Variants in MECOM observed in about 807,000 individuals in gnomAD.
MECOM encodes MDS1 and EVI1 complex locus, also known as histone-lysine N-methyltransferase MECOM.
A neutral mutation model predicts 116.3 loss-of-function variants in MECOM; 13 were observed. The observed-to-expected ratio is 0.11, with a 90% confidence interval of 0.07 to 0.18. The LOEUF is 0.18. MECOM is among the 10% of genes least tolerant of loss of function. The pLI is 1.00. For missense variants in MECOM, 1,299 were observed against 1,509.0 expected (o/e 0.86, Z 2.31); for synonymous variants, 528 against 535.2 (o/e 0.99, Z 0.19).
At position 169,649,409 on chromosome 3, in the gene MECOM, C is replaced by CAAAAAAAA. The variant is rs71634436; in HGVS notation, c.37+13919_37+13926dup. Among the ~76,000 whole-genome samples, 630 of 74,214 alleles carry CAAAAAAAA rather than the reference C, an allele frequency of 8.5e-3. 41 individuals carry two copies. The highest frequency in any genetic ancestry group is 0.02 in the African/African-American group (348 of 17,022). 48.7% of individuals were successfully genotyped at this position (74,214 alleles called of 152,430 possible). A position where few individuals can be genotyped will look rare whatever the true frequency, so the allele number is the denominator to read the frequency against. On this transcript the variant is annotated intron_variant, in intron 1 of 16. Coordinates refer to ENST00000651503, the MANE Select transcript of MECOM (RefSeq NM_004991.4). The stretch of plus-strand genomic sequence containing the variant: ...GGGCGGCAAGAGCGAAACTCCATCT[C>CAAAAAAAA]AAAAAAAAAAAAAAAAAAAATAGGA...
At chr3:169,132,990 G>A (rs1309035818) in intron 3 of MECOM, among the ~76,000 whole-genome samples, 1 of 151,872 alleles carries the variant, frequency 6.6e-6, no homozygotes, top group Non-Finnish European at 1.5e-5. Context: ...CTGGGCTCAA[G>A]CAATCTGCCC....
At chr3:169,619,159 C>G (rs1770381596) in intron 1 of MECOM, among the ~76,000 whole-genome samples, 1 of 152,128 alleles carries the variant, frequency 6.6e-6, no homozygotes, top group South Asian at 2.1e-4. Context: ...CTGAATTTAT[C>G]GTGGTTCTGA....
chr3:169,523,994 C>T (rs886801965), intron 1 of MECOM, among the ~76,000 whole-genome samples: 2 of 143,016 alleles, frequency 1.4e-5, no homozygotes, highest in Admixed American at 7.0e-5. Flanking sequence ...ACATACATAC[C>T]TGTATATGAA....
intron 1 of MECOM, among the ~76,000 whole-genome samples, chr3:169,510,330 TCA>T (rs1397067582): frequency 3.9e-5 from 6 of 152,364 alleles, no homozygotes; most frequent in African/African-American, 1.2e-4. Context: ...GTCTTGACTT[TCA>T]CAGTTTTCTT....
At chr3:169,123,800 T>C (rs1016561189) in intron 5 of MECOM, among the ~76,000 whole-genome samples, 1 of 152,114 alleles carries the variant, frequency 6.6e-6, no homozygotes, top group Non-Finnish European at 1.5e-5. Context: ...AGATGCCCAC[T>C]GACCAAAGGT....
chr3:169,625,034 GAAAAAAA>G (rs35241873), intron 1 of MECOM, among the ~76,000 whole-genome samples: 2 of 134,092 alleles, frequency 1.5e-5, no homozygotes, highest in Non-Finnish European at 3.2e-5. Flanking sequence ...TTTGTCCTTG[GAAAAAAA>G]AAAAAAAAGA....
At chr3:169,480,129 C>A (rs1373701207) in intron 1 of MECOM, among the ~76,000 whole-genome samples, 3 of 152,074 alleles carry the variant, frequency 2.0e-5, no homozygotes, top group Admixed American at 1.3e-4. Context: ...TGTAGGTTGC[C>A]AAAGACTAAC....
chr3:169,515,352 GC>G (rs1190250711), intron 1 of MECOM, among the ~76,000 whole-genome samples: 2 of 152,172 alleles, frequency 1.3e-5, no homozygotes, highest in Admixed American at 6.5e-5. Context: ...TGTGGGGCCA[GC>G]AGCCTAGGCA....
At chr3:169,146,683 C>T (rs1278954972) in intron 2 of MECOM, 7 of 1,304,452 alleles carry the variant, frequency 5.4e-6, no homozygotes, top group Non-Finnish European at 6.0e-6. Flanking sequence ...TTTCACATCG[C>T]CCAGACTTTT....
At chr3:169,637,200 C>T (rs746259999) in intron 1 of MECOM, among the ~76,000 whole-genome samples, 33 of 152,184 alleles carry the variant, frequency 2.2e-4, no homozygotes, top group Admixed American at 9.8e-4. Flanking sequence ...TAGCAAGCAG[C>T]CATTCGATTG....
intron 2 of MECOM, among the ~76,000 whole-genome samples, chr3:169,265,580 T>C (rs954225799): frequency 6.6e-6 from 1 of 152,284 alleles, no homozygotes; most frequent in East Asian, 1.9e-4. Context: ...AGCTAGAGAT[T>C]TGGAATGAAG....
intron 1 of MECOM, among the ~76,000 whole-genome samples, chr3:169,450,485 G>C (rs1368727490): frequency 2.0e-5 from 3 of 152,004 alleles, no homozygotes; most frequent in East Asian, 3.9e-4. Flanking sequence ...AGCAAGGCCT[G>C]GTGACTGGAA....
At chr3:169,455,655 A>G (rs1010600500) in intron 1 of MECOM, among the ~76,000 whole-genome samples, 4 of 152,202 alleles carry the variant, frequency 2.6e-5, no homozygotes, top group African/African-American at 4.8e-5. Context: ...CCAGAACAGT[A>G]AACATGTGAA....
Position 169,095,153 on chromosome 3 carries a change from T to A in MECOM, c.2942A>T (p.His981Leu). ...TTGACCAAAACACCTATCACATAAG[T>A]GACACTTAAATGGCTTCTCTTTATT... ...IHNKEKPFKC[H>L]LCDRCFGQQT... is the part of the protein sequence containing the mutation. The change falls in exon 13 of 17, where the codon CAC (histidine) becomes CTC (leucine). Residue 981 changes from histidine (H) to leucine (L), a missense_variant. Coordinates refer to ENST00000651503, the MANE Select transcript of MECOM (RefSeq NM_004991.4). The A allele has an allele frequency of 6.2e-7, 1 of 1,613,742 alleles. No homozygotes were observed. The highest frequency in any genetic ancestry group is 8.5e-7 in the Non-Finnish European group (1 of 1,179,846).
intron 2 of MECOM, among the ~76,000 whole-genome samples, chr3:169,157,250 C>G (rs1445322220): frequency 6.6e-6 from 1 of 152,180 alleles, no homozygotes; most frequent in Non-Finnish European, 1.5e-5. Context: ...CACCCCAAAT[C>G]TCTGATGGTG....
chr3:169,553,190 A>C (rs1761609714), intron 1 of MECOM, among the ~76,000 whole-genome samples: 1 of 152,166 alleles, frequency 6.6e-6, no homozygotes. Context: ...CAACAAATAA[A>C]TATCAAAATC....
intron 2 of MECOM, among the ~76,000 whole-genome samples, chr3:169,160,574 G>A (rs1325628521): frequency 2.7e-5 from 4 of 147,322 alleles, no homozygotes; most frequent in Non-Finnish European, 6.0e-5. Context: ...TAATATATTA[G>A]TTATTTTAAA....
At chr3:169,470,760 G>A (rs924254125) in intron 1 of MECOM, among the ~76,000 whole-genome samples, 45 of 152,040 alleles carry the variant, frequency 3.0e-4, no homozygotes, top group Admixed American at 1.6e-3. Context: ...GGAATCTGGT[G>A]TATCTATCAT....
intron 1 of MECOM, among the ~76,000 whole-genome samples, chr3:169,497,770 G>A (rs1179475296): frequency 6.6e-6 from 1 of 152,172 alleles, no homozygotes; most frequent in Non-Finnish European, 1.5e-5. Context: ...TTCTCATTAT[G>A]TCTAAATAAA....
Sources: gnomAD v4.1 joint callset for allele counts (sites outside exome capture counted in the v4.1 genomes callset) on GRCh38, gnomAD v4.1.1 for gene constraint, MANE v1.5 for transcripts, NCBI Gene and HGNC (gene_info 2026-07-23, HGNC 2026-07-21) for gene names.